Variants in PAN3 observed in about 807,000 individuals in gnomAD.
The protein encoded by PAN3 is PAN2-PAN3 deadenylation complex subunit PAN3.
Under a neutral mutation model 96.2 loss-of-function variants are expected in PAN3, and 19 were observed. The ratio of observed to expected loss-of-function variants is 0.20; its 90% CI spans 0.14 to 0.29. PAN3 has a LOEUF of 0.29. Ranked by LOEUF, PAN3 falls within the 10% of genes least tolerant of loss-of-function variation. The probability of loss-of-function intolerance (pLI) is 1.00; values close to 1 mark genes in which losing one functional copy is unlikely to be tolerated. For missense variants in PAN3, 882 were observed against 1,108.1 expected, an observed-to-expected ratio of 0.80 and a Z score of 2.90; for synonymous variants, 433 against 406.6, an observed-to-expected ratio of 1.06 and a Z score of -0.78.
chr13:28,222,151 G>A (rs573630423), intron 6 of PAN3, among the ~76,000 whole-genome samples: 2 of 152,080 alleles, frequency 1.3e-5, no homozygotes, highest in African/African-American at 2.4e-5. Flanking sequence ...TTCAATTGGA[G>A]GAGTTAAAAA....
chr13:28,255,986 TTA>T (rs1384450814), intron 6 of PAN3, among the ~76,000 whole-genome samples: 31 of 152,236 alleles, frequency 2.0e-4, no homozygotes, highest in African/African-American at 7.5e-4. Context: ...TTCCATTAAT[TTA>T]TTAAATTTTT....
intron 1 of PAN3, among the ~76,000 whole-genome samples, chr13:28,158,800 C>A (rs1023737599): frequency 5.9e-5 from 9 of 151,880 alleles, no homozygotes; most frequent in African/African-American, 2.2e-4. Flanking sequence ...ATGGCGTGAA[C>A]CCGGGAGGCG....
chr13:28,235,709 A>ACACACACACACACACACCCC (rs1566213307), intron 6 of PAN3, among the ~76,000 whole-genome samples: 2 of 150,586 alleles, frequency 1.3e-5, no homozygotes, highest in African/African-American at 4.9e-5. Context: ...ACACACACAC[A>ACACACACACACACACACCCC]CACACACACA....
intron 1 of PAN3, among the ~76,000 whole-genome samples, chr13:28,157,129 A>G (rs759481261): frequency 6.6e-6 from 1 of 152,092 alleles, no homozygotes; most frequent in Admixed American, 6.6e-5. Context: ...AAACAACCAT[A>G]TTATCATCTC....
chr13:28,261,548 C>T, intron 9 of PAN3, 90 bp downstream of exon 9: 1 of 1,172,426 alleles, frequency 8.5e-7, no homozygotes, highest in African/African-American at 1.6e-5. Context: ...AAGAAGAGTT[C>T]CAGGCTGGGC....
chr13:28,194,202 T>C (rs1877684720), intron 4 of PAN3, among the ~76,000 whole-genome samples: 1 of 151,592 alleles, frequency 6.6e-6, no homozygotes, highest in Admixed American at 6.6e-5. Flanking sequence ...CATCTGAATT[T>C]GTGAAGGATC....
intron 9 of PAN3, 35 bp from the exon 10 acceptor site, chr13:28,266,680 G>GTAT: frequency 6.8e-7 from 1 of 1,464,566 alleles, no homozygotes; most frequent in South Asian, 1.4e-5. Context: ...ATGAATGCCT[G>GTAT]TATTTTCAAG....
At chr13:28,199,275 C>T (rs1041275692) in intron 5 of PAN3, among the ~76,000 whole-genome samples, 23 of 151,374 alleles carry the variant, frequency 1.5e-4, no homozygotes, top group African/African-American at 4.9e-4. Context: ...TGTAGCCACT[C>T]GACCTCTCCA....
At position 28,256,412 on chromosome 13, in the gene PAN3, G is replaced by C. The variant is rs768803539; in HGVS notation, c.1121G>C (p.Ser374Thr). The change falls in exon 7 of 19, where the codon AGT becomes ACT. Residue 374 changes from serine to threonine, a missense_variant. Around this residue, in one of 3 missense-constraint regions of PAN3, gnomAD observed 364 missense variants for 513.6 expected, o/e 0.71. Coordinates refer to ENST00000380958, the MANE Select transcript of PAN3 (RefSeq NM_175854.8). ...PNPASYMVPS[S>T]ASTSVNNPVS... The stretch of plus-strand genomic sequence containing the variant: ...CCAGCAAGTTACATGGTGCCTTCTA[G>C]TGCCTCTACATCTGTTAATAATCCT... 3 of 1,614,036 alleles carry C rather than the reference G, an allele frequency of 1.9e-6. No individual in the cohort carries two copies. Among genetic ancestry groups the C allele is most frequent in the South Asian group, 1.1e-5 (1 of 91,076 alleles).
At chr13:28,237,504 A>G (rs1883224308) in intron 6 of PAN3, among the ~76,000 whole-genome samples, 1 of 152,186 alleles carries the variant, frequency 6.6e-6, no homozygotes, top group Non-Finnish European at 1.5e-5. Flanking sequence ...TACATTTTTA[A>G]AAAATAGCAG....
At chr13:28,146,700 A>G (rs1024939816) in intron 1 of PAN3, among the ~76,000 whole-genome samples, 5 of 152,232 alleles carry the variant, frequency 3.3e-5, no homozygotes, top group African/African-American at 1.2e-4. Context: ...TAAACAGGCC[A>G]GGCGCAGTGG....
At chr13:28,278,838 C>T (rs918825538) in intron 15 of PAN3, among the ~76,000 whole-genome samples, 2 of 151,926 alleles carry the variant, frequency 1.3e-5, no homozygotes, top group African/African-American at 2.4e-5. Flanking sequence ...TATGTCCATA[C>T]TTACGGATGA....
At chr13:28,205,761 T>A (rs548536073) in intron 5 of PAN3, among the ~76,000 whole-genome samples, 5 of 151,558 alleles carry the variant, frequency 3.3e-5, no homozygotes, top group African/African-American at 1.2e-4. Flanking sequence ...GAGAATCCCA[T>A]GAGTTCGAGG....
At chr13:28,260,346 A>G (rs1487542159) in intron 7 of PAN3, 101 bp from the exon 8 acceptor site, 2 of 833,602 alleles carry the variant, frequency 2.4e-6, no homozygotes, top group African/African-American at 3.4e-5. Context: ...GTGAGCCGAG[A>G]TTGCGCCACT....
chr13:28,156,180 A>C (rs1297182336), intron 1 of PAN3, among the ~76,000 whole-genome samples: 2 of 149,528 alleles, frequency 1.3e-5, no homozygotes, highest in Non-Finnish European at 1.5e-5. Context: ...AGACTAATAC[A>C]GAAAAAAGAA....
intron 5 of PAN3, among the ~76,000 whole-genome samples, chr13:28,211,189 C>T (rs1879984354): frequency 1.3e-5 from 2 of 152,076 alleles, no homozygotes; most frequent in African/African-American, 4.8e-5. Flanking sequence ...GTGTGAGCGG[C>T]CATGCCTGGC....
intron 1 of PAN3, among the ~76,000 whole-genome samples, chr13:28,146,965 A>C (rs1280030615): frequency 6.6e-6 from 1 of 152,090 alleles, no homozygotes; most frequent in Non-Finnish European, 1.5e-5. Flanking sequence ...CCTGGTGACA[A>C]AGCAAGACTC....
Position 28,169,527 on chromosome 13 carries a change from G to A in PAN3, c.431-4745G>A, listed in dbSNP as rs370475996. Among the ~76,000 whole-genome samples, 7 of 151,056 alleles carry A rather than the reference G, an allele frequency of 4.6e-5. No individual in the cohort carries two copies. In the East Asian group the frequency reaches 6.0e-4, roughly 13 times the overall value. The stretch of plus-strand genomic sequence containing the variant: ...ATTACAGGCATGAGCCACCGCGCCC[G>A]GCTGTATTTTTCTCTTTGAACACCT... On this transcript the variant is annotated intron_variant, in intron 1 of 18. Coordinates refer to ENST00000380958, the MANE Select transcript of PAN3 (RefSeq NM_175854.8).
chr13:28,203,897 A>G (rs751341074), intron 5 of PAN3, among the ~76,000 whole-genome samples: 2 of 148,066 alleles, frequency 1.4e-5, no homozygotes, highest in Non-Finnish European at 3.0e-5. Context: ...TCCACCTTCC[A>G]GCTTCAAGCG....
Sources: allele counts gnomAD v4.1 joint callset (sites outside exome capture counted in the v4.1 genomes callset), GRCh38; gene constraint gnomAD v4.1.1; regional missense constraint gnomAD v4.1.1; transcripts MANE v1.5; gene names NCBI Gene and HGNC (gene_info 2026-07-23, HGNC 2026-07-21).